SRCIN1: variants seen among roughly 807,000 people sequenced by gnomAD.
SRCIN1 encodes the protein P130Cas-associated protein.
In SRCIN1, 50 loss-of-function variants were observed where a neutral mutation model predicts 116.2. The ratio of observed to expected loss-of-function variants is 0.43; its 90% confidence interval spans 0.34 to 0.54. The LOEUF (loss-of-function observed/expected upper bound fraction) is 0.54. Among genes scored for constraint, SRCIN1 ranks in the 20% least tolerant of loss-of-function variants. SRCIN1 has a pLI of 0.02. For missense variants in SRCIN1, 1,446 were observed against 1,672.0 expected, an observed-to-expected ratio of 0.86 and a Z score of 2.36; for synonymous variants, 736 against 750.0, an observed-to-expected ratio of 0.98 and a Z score of 0.30.
At chr17:38,559,921 G>T in intron 9 of SRCIN1, 133 bp downstream of exon 9, 1 of 1,354,182 alleles carries the variant, frequency 7.4e-7, no homozygotes, top group Non-Finnish European at 1.0e-6. Flanking sequence ...AGCCCTAACG[G>T]TGGGGACCAA....
intron 1 of SRCIN1, among the ~76,000 whole-genome samples, chr17:38,580,835 C>T (rs767576776): frequency 1.3e-5 from 2 of 152,162 alleles, no homozygotes; most frequent in Non-Finnish European, 2.9e-5. Context: ...CTTCCTTCCT[C>T]TTTTTTTCTT....
At chr17:38,575,312 C>T (rs186860610) in intron 2 of SRCIN1, among the ~76,000 whole-genome samples, 19 of 152,290 alleles carry the variant, frequency 1.2e-4, no homozygotes, top group South Asian at 4.2e-4. Flanking sequence ...TGCAGTGGCA[C>T]GATCATGGCT....
chr17:38,587,109 C>T (rs1166462409), intron 1 of SRCIN1, among the ~76,000 whole-genome samples: 1 of 152,146 alleles, frequency 6.6e-6, no homozygotes, highest in Non-Finnish European at 1.5e-5. Flanking sequence ...CAGGGCAGGA[C>T]CCTCACCTCC....
intron 11 of SRCIN1, among the ~76,000 whole-genome samples, chr17:38,553,428 T>G (rs930070590): frequency 6.6e-6 from 1 of 152,146 alleles, no homozygotes; most frequent in Non-Finnish European, 1.5e-5. Flanking sequence ...TATCTCTCAT[T>G]GTAACTTGCA....
rs1325541849 is a variant in SRCIN1, at chr17:38,568,504, G to A, written c.325-273C>T. Among the ~76,000 whole-genome samples the A allele has an allele frequency of 6.6e-6, 1 of 152,234 alleles. No individual in the cohort carries two copies. The highest frequency in any genetic ancestry group is 1.5e-5 in the Non-Finnish European group (1 of 68,040). On this transcript the variant is annotated intron_variant, in intron 2 of 18. Coordinates refer to ENST00000617146, the MANE Select transcript of SRCIN1 (RefSeq NM_025248.3). This position sits in a 1 kb window ranked among gnomAD's most constrained non-coding sequence, Gnocchi z 4.5. ...AAAAGGCACAGAGGATGGTGATAGA[G>A]CGAACCCATGAGGCAGTCACAAGAG... is the stretch of plus-strand genomic sequence containing the variant.
In SRCIN1 at chr17:38,532,994, G is replaced by A. The variant is rs1184532642; in HGVS notation, c.*303C>T. 3 of 217,756 alleles carry A rather than the reference G, an allele frequency of 1.4e-5. No homozygotes were observed. Among genetic ancestry groups the A allele is most frequent in the East Asian group, 1.9e-4 (2 of 10,272 alleles). The allele number at this position is 217,756 out of a possible 1,614,324, so 13.5% of individuals were successfully genotyped here. A position where few individuals can be genotyped will look rare whatever the true frequency, so the allele number is the denominator to read the frequency against. On this transcript the variant is annotated 3_prime_UTR_variant, in exon 19 of 19. Transcript: ENST00000617146. The surrounding 1 kb of genome is among the most constrained non-coding windows in gnomAD (Gnocchi z 4.3). Reference sequence around the variant, plus strand: ...GTGGTGAAAGAGAAGAAGGAGAGATGTGACAGGTGCGGCCAGCGAGAGGCC... The same window carrying A: ...GTGGTGAAAGAGAAGAAGGAGAGATATGACAGGTGCGGCCAGCGAGAGGCC...
In SRCIN1 at chr17:38,544,006, C is replaced by G. The variant is rs1193385773; in HGVS notation, c.3271-37G>C. On this transcript the variant is annotated intron_variant, in intron 17 of 18. Transcript: ENST00000617146. The surrounding 1 kb of genome is among the most constrained non-coding windows in gnomAD (Gnocchi z 4.5). ...GGAACAGGGTTGCAGTTGCAGAGTC[C>G]ACATGGGGTGAATCACACAGGAACC... is the stretch of plus-strand genomic sequence containing the variant. The G allele has an allele frequency of 6.5e-7, 1 of 1,544,266 alleles. No homozygotes were observed. The highest frequency in any genetic ancestry group is 1.2e-5 in the South Asian group (1 of 84,452).
intron 18 of SRCIN1, among the ~76,000 whole-genome samples, chr17:38,540,263 G>A (rs991281985): frequency 9.9e-5 from 15 of 152,222 alleles, no homozygotes; most frequent in African/African-American, 2.9e-4. Context: ...AGGCACTGCT[G>A]CAAGGCACCT....
Position 38,531,741 on chromosome 17 carries a change from C to T in SRCIN1, c.*1556G>A, listed in dbSNP as rs375895405. On this transcript the variant is annotated 3_prime_UTR_variant, in exon 19 of 19. Transcript: ENST00000617146. The stretch of plus-strand genomic sequence containing the variant: ...GAAACACAACCCGTTTCCCCTCCCC[C>T]CAAACCTTCAACAGCTCCCAGCTCT... 2 of 152,638 alleles carry T rather than the reference C, an allele frequency of 1.3e-5. No homozygotes were observed. The highest frequency in any genetic ancestry group is 1.9e-4 in the East Asian group (1 of 5,176). 9.5% of individuals were successfully genotyped at this position (152,638 alleles called of 1,614,324 possible). A position where few individuals can be genotyped will look rare whatever the true frequency, so the allele number is the denominator to read the frequency against.
At chr17:38,590,701 T>G (rs1460566417) in intron 1 of SRCIN1, among the ~76,000 whole-genome samples, 1 of 151,922 alleles carries the variant, frequency 6.6e-6, no homozygotes, top group Non-Finnish European at 1.5e-5. Flanking sequence ...AAGGTCAGAG[T>G]TGATAAGTGG....
rs1182673662 is a variant in SRCIN1, at chr17:38,543,837, G to A, written c.3403C>T (p.Gln1135Ter). 6.2e-7 allele frequency: 1 copy of A among 1,606,894 alleles called. No individual in the cohort carries two copies. Among genetic ancestry groups the A allele is most frequent in the Non-Finnish European group, 8.5e-7 (1 of 1,179,628 alleles). The stretch of plus-strand genomic sequence containing the variant: ...CCCGCCCTCACCTGCTGCTGGGCCT[G>A]GATCCGCATGTACTCGGCCCTCTGC... ...GKQRAEYMRI[Q>*]AQQQATKPSK... Residue 1135 changes from glutamine (Q) to a stop codon, truncating the protein, a stop_gained, in exon 18 of 19, where the codon CAG becomes TAG. Coordinates refer to ENST00000617146, the MANE Select transcript of SRCIN1 (RefSeq NM_025248.3). LOFTEE classifies it high-confidence loss of function.
intron 1 of SRCIN1, among the ~76,000 whole-genome samples, chr17:38,579,527 C>T (rs973508230): frequency 1.3e-5 from 2 of 152,168 alleles, no homozygotes; most frequent in Non-Finnish European, 2.9e-5. Context: ...TTGGAACAAA[C>T]TTAAAGGGAA....
rs1909233486 is a variant in SRCIN1, at chr17:38,604,424, G to A, written c.22+1260C>T. 2.4e-6 allele frequency: 1 copy of A among 416,916 alleles called. No homozygotes were observed. The highest frequency in any genetic ancestry group is 4.8e-6 in the Non-Finnish European group (1 of 209,546). 25.8% of individuals were successfully genotyped at this position (416,916 alleles called of 1,614,324 possible). A position where few individuals can be genotyped will look rare whatever the true frequency, so the allele number is the denominator to read the frequency against. On this transcript the variant is annotated intron_variant, in intron 1 of 18. Coordinates refer to ENST00000617146, the MANE Select transcript of SRCIN1 (RefSeq NM_025248.3). This position sits in a 1 kb window ranked among gnomAD's most constrained non-coding sequence, Gnocchi z 4.3. ...AGGACCTCCTTGTCCCACAACATTT[G>A]AGGAGGGGGGCTGGGAAGATCCCCC...
rs1404176843 is a variant in SRCIN1, at chr17:38,561,971, C to T, written c.1192G>A (p.Asp398Asn). The T allele has an allele frequency of 8.1e-6, 12 of 1,485,634 alleles. No individual in the cohort carries two copies. Among genetic ancestry groups the T allele is most frequent in the Non-Finnish European group, 9.8e-6 (11 of 1,126,926 alleles). 92.0% of individuals were successfully genotyped at this position (1,485,634 alleles called of 1,614,324 possible). The change falls in exon 7 of 19, where the codon GAC becomes AAC. Residue 398 changes from aspartate to asparagine, a missense_variant. Physicochemically the swap from Asp to Asn is conservative, Grantham distance 23 (BLOSUM62 1). This residue lies in a region of SRCIN1 where 239 missense variants were observed against 317.7 expected (regional missense o/e 0.75). Coordinates refer to ENST00000617146, the MANE Select transcript of SRCIN1 (RefSeq NM_025248.3). ...CCCTCGTGCAGCAGCCCGTAGGGGT[C>T]AGCATAGAGGCCCTCGCCTTTCACC... is the stretch of plus-strand genomic sequence containing the variant. ...VLVKGEGLYA[D>N]PYGLLHEGRL... is the part of the protein sequence containing the mutation.
chr17:38,594,027 G>A (rs1274368378), intron 1 of SRCIN1, among the ~76,000 whole-genome samples: 1 of 152,224 alleles, frequency 6.6e-6, no homozygotes, highest in African/African-American at 2.4e-5. Context: ...CATCACTGGG[G>A]GTATTCCAGA....
rs1263311848 is a variant in SRCIN1, at chr17:38,602,479, C to G, written c.22+3205G>C. The stretch of plus-strand genomic sequence containing the variant: ...TGGGGGGCACAACCTGTCCCCCACC[C>G]CCCACAAATCCTAGAGTCCAGAGCC... On this transcript the variant is annotated intron_variant, in intron 1 of 18. Transcript: ENST00000617146. The surrounding 1 kb of genome is among the most constrained non-coding windows in gnomAD (Gnocchi z 4.2). 2 of 152,194 alleles carry G rather than the reference C, an allele frequency of 1.3e-5. No homozygotes were observed. The highest frequency in any genetic ancestry group is 2.9e-5 in the Non-Finnish European group (2 of 68,080). The allele number at this position is 152,194 out of a possible 1,614,324, so 9.4% of individuals were successfully genotyped here. A position where few individuals can be genotyped will look rare whatever the true frequency, so the allele number is the denominator to read the frequency against.
chr17:38,561,758 G>A lies in SRCIN1; in HGVS notation c.1405C>T (p.Arg469Cys). 1 of 1,511,792 alleles carries A rather than the reference G, an allele frequency of 6.6e-7. No individual in the cohort carries two copies. The highest frequency in any genetic ancestry group is 8.8e-7 in the Non-Finnish European group (1 of 1,135,972). 93.6% of individuals were successfully genotyped at this position (1,511,792 alleles called of 1,614,324 possible). ...TTCTGCGGTGACGAAGGCGGCAGGC[G>A]GAAGCCGTAGCCGTCGCCGTACAGC... ...GPLYGDGYGF[R>C]LPPSSPQKLA... is the part of the protein sequence containing the mutation. Residue 469 changes from arginine (R) to cysteine (C), a missense_variant, in exon 7 of 19, where the codon CGC becomes TGC. Physicochemically the swap from Arg to Cys is radical, Grantham distance 180 (BLOSUM62 -3). This residue lies in a region of SRCIN1 where 398 missense variants were observed against 385.6 expected (regional missense o/e 1.03). Transcript: ENST00000617146.
rs921305667 is a variant in SRCIN1 at position 38,543,828 on chromosome 17, G to C, written c.3412C>G (p.Gln1138Glu). ...RAEYMRIQAQ[Q>E]QATKPSKEMS... ...CCCACAGTCCCCGCCCTCACCTGCT[G>C]CTGGGCCTGGATCCGCATGTACTCG... Residue 1138 changes from glutamine to glutamate, a missense_variant, in exon 18 of 19, where the codon CAG becomes GAG. Transcript: ENST00000617146. 2.5e-6 allele frequency: 4 copies of C among 1,605,768 alleles called. No individual in the cohort carries two copies. In the Admixed American group the frequency reaches 6.7e-5, roughly 27 times the overall value.
At chr17:38,569,197 G>A (rs993558269) in intron 2 of SRCIN1, among the ~76,000 whole-genome samples, 2 of 152,170 alleles carry the variant, frequency 1.3e-5, no homozygotes, top group African/African-American at 4.8e-5. Context: ...GTAACCCAGG[G>A]TCACCCTTCC....
Sources: gnomAD v4.1 joint callset for allele counts (sites outside exome capture counted in the v4.1 genomes callset) on GRCh38, gnomAD v4.1.1 for gene constraint, gnomAD v4.1.1 regional missense constraint, Gnocchi (gnomAD v3.1) non-coding constraint, MANE v1.5 for transcripts, NCBI Gene and HGNC (gene_info 2026-07-23, HGNC 2026-07-21) for gene names.